ODR4: variants seen among roughly 807,000 people sequenced by gnomAD.
The protein encoded by ODR4 is odr-4 GPCR localization factor homolog.
Under a neutral mutation model 60.2 loss-of-function variants are expected in ODR4, and 47 were observed. The observed-to-expected ratio is 0.78, with a 90% confidence interval of 0.62 to 1.00. ODR4 has a LOEUF of 1.00. Ranked by LOEUF, ODR4 falls within the 50% of genes least tolerant of loss-of-function variation. The probability of loss-of-function intolerance (pLI) is 0.00; values close to 1 mark genes in which losing one functional copy is unlikely to be tolerated. For missense variants in ODR4, 488 were observed against 530.8 expected (o/e 0.92, Z 0.79); for synonymous variants, 178 against 175.5 (o/e 1.01, Z -0.11).
intron 9 of ODR4, among the ~76,000 whole-genome samples, chr1:186,397,785 G>A (rs1571680988): frequency 6.6e-6 from 1 of 152,310 alleles, no homozygotes; most frequent in Non-Finnish European, 1.5e-5. Context: ...CCGAACAAGA[G>A]CACTGGCATT....
rs1223157618 is a variant in ODR4, at chr1:186,419,289, G to A, written c.*213G>A. ...GGTGGCCCGCATTTCCAGAAATAAC[G>A]TTATGCATCTAGATGGAAGCTGCAT... On this transcript the variant is annotated 3_prime_UTR_variant, in exon 14 of 14. Transcript: ENST00000287859. The A allele has an allele frequency of 5.4e-6, 3 of 557,250 alleles. No individual in the cohort carries two copies. The highest frequency in any genetic ancestry group is 5.9e-5 in the East Asian group (2 of 34,126). 34.5% of individuals were successfully genotyped at this position (557,250 alleles called of 1,614,324 possible). A position where few individuals can be genotyped will look rare whatever the true frequency, so the allele number is the denominator to read the frequency against.
At chr1:186,404,061 G>A (rs1661084446) in intron 11 of ODR4, among the ~76,000 whole-genome samples, 1 of 152,020 alleles carries the variant, frequency 6.6e-6, no homozygotes, top group Admixed American at 6.6e-5. Context: ...TAACTTAAAA[G>A]TTTCAGTACT....
intron 1 of ODR4, among the ~76,000 whole-genome samples, chr1:186,376,987 C>T (rs1178084545): frequency 1.3e-5 from 2 of 152,132 alleles, no homozygotes; most frequent in African/African-American, 4.8e-5. Flanking sequence ...CCCTATAAGG[C>T]AAAATACAGT....
chr1:186,405,979 T>C, intron 11 of ODR4, 104 bp from the exon 12 acceptor site: 6 of 832,204 alleles, frequency 7.2e-6, no homozygotes, highest in Non-Finnish European at 1.0e-5. Flanking sequence ...TATTGACCTT[T>C]TAAGCTTTAT....
At chr1:186,386,376 T>A (rs1379279437) in intron 4 of ODR4, among the ~76,000 whole-genome samples, 1 of 152,144 alleles carries the variant, frequency 6.6e-6, no homozygotes, top group East Asian at 1.9e-4. Context: ...TGGCATTTCA[T>A]ACAAATTTGA....
At chr1:186,379,642 T>G (rs1659949127) in intron 1 of ODR4, 125 bp from the exon 2 acceptor site, 1 of 536,554 alleles carries the variant, frequency 1.9e-6, no homozygotes, top group Admixed American at 3.6e-5. Flanking sequence ...ATGTAATAAG[T>G]ATTTGCTGCA....
intron 11 of ODR4, among the ~76,000 whole-genome samples, chr1:186,399,833 A>G (rs977101271): frequency 5.3e-5 from 8 of 152,124 alleles, no homozygotes; most frequent in Non-Finnish European, 1.0e-4. Context: ...GAGTTACAGT[A>G]TCTTACCCAT....
chr1:186,395,562 T>G (rs886568218), intron 9 of ODR4, among the ~76,000 whole-genome samples: 1 of 152,200 alleles, frequency 6.6e-6, no homozygotes, highest in East Asian at 1.9e-4. Context: ...TATTAAGCTT[T>G]TCTTTTATTT....
intron 9 of ODR4, among the ~76,000 whole-genome samples, chr1:186,394,937 G>A (rs535495518): frequency 6.6e-6 from 1 of 152,104 alleles, no homozygotes; most frequent in Non-Finnish European, 1.5e-5. Context: ...CACTACTTAT[G>A]TGCTTTTCAC....
rs115794257 is a variant in ODR4, at chr1:186,415,081, A to G, written c.1187-2463A>G. Reference sequence around the variant, plus strand: ...TGTTTTTCTTTGTGACTGGTTTGATATGAGAATAGAAAAAAAAAGGGGGGA... The same window carrying G: ...TGTTTTTCTTTGTGACTGGTTTGATGTGAGAATAGAAAAAAAAAGGGGGGA... On this transcript the variant is annotated intron_variant, in intron 12 of 13. Coordinates refer to ENST00000287859, the MANE Select transcript of ODR4 (RefSeq NM_017847.6). Among the ~76,000 whole-genome samples, 1,026 of 151,840 alleles carry G rather than the reference A, an allele frequency of 6.8e-3. 16 individuals are homozygous for G. The highest frequency in any genetic ancestry group is 0.024 in the African/African-American group (988 of 41,486).
In ODR4 at chr1:186,383,065, C is replaced by T; in HGVS notation, c.143C>T (p.Pro48Leu). 1 of 1,579,928 alleles carries T rather than the reference C, an allele frequency of 6.3e-7. No individual in the cohort carries two copies. Among genetic ancestry groups the T allele is most frequent in the Middle Eastern group, 1.7e-4 (1 of 6,018 alleles). The change falls in exon 3 of 14, where the codon CCA (proline) becomes CTA (leucine). Residue 48 changes from proline to leucine, a missense_variant. Physicochemically the swap from Pro to Leu is moderately conservative, Grantham distance 98. Transcript: ENST00000287859. ...KDYVILATRT[P>L]PKEEQSENLK... ...TATGTGATTCTTGCCACTAGAACGC[C>T]ACCCAAAGAGGAGCAAAGTGAGAAC... is the stretch of plus-strand genomic sequence containing the variant.
At position 186,402,682 on chromosome 1, in the gene ODR4, G is replaced by A. The variant is rs115756410; in HGVS notation, c.1001-3401G>A. Among the ~76,000 whole-genome samples, 924 of 152,072 alleles carry A rather than the reference G, an allele frequency of 6.1e-3. 13 individuals are homozygous for A. Among genetic ancestry groups the A allele is most frequent in the African/African-American group, 0.022 (894 of 41,458 alleles). ...AGCTAAATACAGCTTTGAACTCCTG[G>A]CTGTAAGGGATCTTCCTCCCTCAGC... On this transcript the variant is annotated intron_variant, in intron 11 of 13. Transcript: ENST00000287859.
rs1660476534 is a variant in ODR4, at chr1:186,391,736, T to A, written c.656T>A (p.Val219Asp). 1 of 1,605,130 alleles carries A rather than the reference T, an allele frequency of 6.2e-7. No individual in the cohort carries two copies. The highest frequency in any genetic ancestry group is 1.3e-5 in the African/African-American group (1 of 74,916). The change falls in exon 8 of 14, where the codon GTT becomes GAT. Residue 219 changes from valine to aspartate, a missense_variant. Transcript: ENST00000287859. ...TGGGCCAAGGAAATAGAAAATGGTG[T>A]TTATTTGATTAATGGACAAGTTAAA... ...TRWAKEIENGVYLINGQVKDE... is the reference protein window; with the variant it reads ...TRWAKEIENGDYLINGQVKDE...
In ODR4 at chr1:186,389,947, C is replaced by A. The variant is rs539506469; in HGVS notation, c.474+323C>A. ...AGACTATAGATGTGCACCACTGCAC[C>A]TGGCTAATTATTTTTGTTTTTTGTT... On this transcript the variant is annotated intron_variant, in intron 6 of 13. Transcript: ENST00000287859. Among the ~76,000 whole-genome samples the A allele has an allele frequency of 9.8e-4, 149 of 152,154 alleles. 1 individual carries two copies. Among genetic ancestry groups the A allele is most frequent in the Non-Finnish European group, 1.6e-3 (112 of 67,984 alleles).
rs116378003 is a variant in ODR4 at position 186,420,327 on chromosome 1, G to A, written c.*1251G>A. ...AGAGAGGACAGTTAAAGAAGGTTCAGTGGTCCTCAGTTTGCAGTGCTCTAG... is the reference window on the plus strand; with the variant it reads ...AGAGAGGACAGTTAAAGAAGGTTCAATGGTCCTCAGTTTGCAGTGCTCTAG... On this transcript the variant is annotated 3_prime_UTR_variant, in exon 14 of 14. Coordinates refer to ENST00000287859, the MANE Select transcript of ODR4 (RefSeq NM_017847.6). The A allele has an allele frequency of 5.0e-4, 76 of 152,346 alleles. No homozygotes were observed. The highest frequency in any genetic ancestry group is 1.7e-3 in the African/African-American group (69 of 41,586). The allele number at this position is 152,346 out of a possible 1,614,324, so 9.4% of individuals were successfully genotyped here. A position where few individuals can be genotyped will look rare whatever the true frequency, so the allele number is the denominator to read the frequency against.
the ODR4 span, among the ~76,000 whole-genome samples, chr1:186,430,442 A>G: frequency 6.6e-6 from 1 of 152,094 alleles, no homozygotes; most frequent in Non-Finnish European, 1.5e-5. Context: ...GAACTTAATG[A>G]TAGAGATGAA....
intron 3 of ODR4, 140 bp downstream of exon 3, chr1:186,383,296 T>A: frequency 1.1e-6 from 1 of 928,850 alleles, no homozygotes; most frequent in Non-Finnish European, 1.6e-6. Context: ...TCTGGGTGTC[T>A]AGGAGGATAC....
intron 12 of ODR4, among the ~76,000 whole-genome samples, chr1:186,411,096 T>G: frequency 6.6e-6 from 1 of 152,168 alleles, no homozygotes; most frequent in East Asian, 1.9e-4. Context: ...TCTGAAAATC[T>G]AAAATCTGAA....
chr1:186,412,835 A>AG (rs1661423764), intron 12 of ODR4, among the ~76,000 whole-genome samples: 1 of 152,072 alleles, frequency 6.6e-6, no homozygotes. Context: ...AAACAGAAAG[A>AG]GATATATAAA....
Sources: gnomAD v4.1 joint callset for allele counts (sites outside exome capture counted in the v4.1 genomes callset) on GRCh38, gnomAD v4.1.1 for gene constraint, MANE v1.5 for transcripts, NCBI Gene and HGNC (gene_info 2026-07-23, HGNC 2026-07-21) for gene names.